NR5A2: variants seen among roughly 807,000 people sequenced by gnomAD.
NR5A2 encodes nuclear receptor subfamily 5 group A member 2.
A neutral mutation model predicts 62.7 loss-of-function variants in NR5A2; 26 were observed. The ratio of observed to expected loss-of-function variants is 0.41; its 90% CI spans 0.30 to 0.58. The LOEUF (loss-of-function observed/expected upper bound fraction) is 0.58, where lower values mean the gene tolerates loss of function less well. Among genes scored for constraint, NR5A2 ranks in the 20% least tolerant of loss-of-function variants. The pLI is 0.22. For missense variants in NR5A2, 541 were observed against 669.1 expected, an observed-to-expected ratio of 0.81 and a Z score of 2.11; for synonymous variants, 246 against 241.7, an observed-to-expected ratio of 1.02 and a Z score of -0.16.
chr1:200,111,088 TTTC>T lies in NR5A2; in HGVS notation c.1111-111_1111-109del, dbSNP rs958511688. 8.1e-6 allele frequency: 10 copies of T among 1,241,442 alleles called. No individual in the cohort carries two copies. The African/African-American group carries it at 1.5e-4, about 19-fold the overall frequency. The allele number at this position is 1,241,442 out of a possible 1,614,324, so 76.9% of individuals were successfully genotyped here. ...TGCTTCAGTGACCATGGGTGGAGAC[TTTC>T]TTGTTTATATGTAGTCCTCTTATGT... On this transcript the variant is annotated intron_variant, in intron 5 of 7. Coordinates refer to ENST00000367362, the MANE Select transcript of NR5A2 (RefSeq NM_205860.3).
chr1:200,107,749 C>T (rs12139943), intron 5 of NR5A2, among the ~76,000 whole-genome samples: 63,188 of 151,748 alleles, frequency 0.42, 13,311 homozygotes, highest in Admixed American at 0.45. Flanking sequence ...AAGCAATTCT[C>T]CTGTCTCAGC....
rs1370166314 is a variant in NR5A2, at chr1:200,147,331, G to A, written c.1378+26376G>A. ...TACTGTGCGCTCCTCTCCTCATCCA[G>A]CAAAGCTCGGCCTACATGGAGGTTT... On this transcript the variant is annotated intron_variant, in intron 7 of 7. Coordinates refer to ENST00000367362, the MANE Select transcript of NR5A2 (RefSeq NM_205860.3). The surrounding 1 kb of genome is among the most constrained non-coding windows in gnomAD (Gnocchi z 4.9). 6.6e-6 allele frequency among the ~76,000 whole-genome samples: 1 copy of A among 152,180 alleles called. No individual in the cohort carries two copies. The highest frequency in any genetic ancestry group is 1.5e-5 in the Non-Finnish European group (1 of 68,032).
In NR5A2 at chr1:200,048,534, C is replaced by T; in HGVS notation, c.826C>T (p.Pro276Ser). 6.2e-7 allele frequency: 1 copy of T among 1,614,120 alleles called. No homozygotes were observed. The highest frequency in any genetic ancestry group is 8.5e-7 in the Non-Finnish European group (1 of 1,180,028). Residue 276 changes from proline to serine, a missense_variant, in exon 5 of 8, where the codon CCC (proline) becomes TCC (serine). This residue lies in a region of NR5A2 where 379 missense variants were observed against 442.0 expected (regional missense o/e 0.86). Coordinates refer to ENST00000367362, the MANE Select transcript of NR5A2 (RefSeq NM_205860.3). The surrounding 1 kb of genome is among the most constrained non-coding windows in gnomAD (Gnocchi z 4.8). Reference sequence around the variant, plus strand: ...GGCCATCAAGTCTGAGTACCCAGACCCCTATACCAGCTCACCCGAGTCCAT... The same window carrying T: ...GGCCATCAAGTCTGAGTACCCAGACTCCTATACCAGCTCACCCGAGTCCAT... ...SRAIKSEYPDPYTSSPESIMG... is the reference protein window; with the variant it reads ...SRAIKSEYPDSYTSSPESIMG...
At chr1:200,160,726 G>A (rs2102379022) in intron 7 of NR5A2, among the ~76,000 whole-genome samples, 1 of 151,422 alleles carries the variant, frequency 6.6e-6, no homozygotes, top group South Asian at 2.1e-4. Context: ...TTATCCCGAG[G>A]CAAACCAGAC....
Position 200,038,619 on chromosome 1 carries a change from C to T in NR5A2, c.65-1039C>T, listed in dbSNP as rs982701880. On this transcript the variant is annotated intron_variant, in intron 1 of 7. Coordinates refer to ENST00000367362, the MANE Select transcript of NR5A2 (RefSeq NM_205860.3). ...TTCAATGGTTTAAGTGGGTGTTTAACTCCCTTCATCTCCTCATCCGACACA... is the reference window on the plus strand; with the variant it reads ...TTCAATGGTTTAAGTGGGTGTTTAATTCCCTTCATCTCCTCATCCGACACA... 9.5e-5 allele frequency: 88 copies of T among 924,154 alleles called. No homozygotes were observed. The African/African-American group carries it at 1.4e-3, about 14-fold the overall frequency. 57.2% of individuals were successfully genotyped at this position (924,154 alleles called of 1,614,324 possible). A position where few individuals can be genotyped will look rare whatever the true frequency, so the allele number is the denominator to read the frequency against.
chr1:200,173,576 A>G (rs1654280905), intron 7 of NR5A2, among the ~76,000 whole-genome samples: 1 of 152,218 alleles, frequency 6.6e-6, no homozygotes, highest in Admixed American at 6.5e-5. Flanking sequence ...ATTAATACAG[A>G]ATTATATGAA....
chr1:200,088,414 C>T (rs777237030), intron 5 of NR5A2, among the ~76,000 whole-genome samples: 7 of 151,998 alleles, frequency 4.6e-5, no homozygotes, highest in Admixed American at 1.3e-4. Context: ...TGTGCCACCA[C>T]GCCCAGTTAA....
chr1:200,094,964 A>C (rs1665010579), intron 5 of NR5A2, among the ~76,000 whole-genome samples: 2 of 152,136 alleles, frequency 1.3e-5, no homozygotes, highest in African/African-American at 4.8e-5. Flanking sequence ...AAAGAACATA[A>C]AGGAATATGT....
intron 7 of NR5A2, among the ~76,000 whole-genome samples, chr1:200,169,341 T>A (rs535580098): frequency 3.6e-4 from 55 of 152,296 alleles, no homozygotes; most frequent in Admixed American, 1.8e-3. Context: ...GATAATTACC[T>A]TATCAGCAAA....
intron 5 of NR5A2, among the ~76,000 whole-genome samples, chr1:200,078,157 C>T (rs564232703): frequency 6.6e-6 from 1 of 152,276 alleles, no homozygotes; most frequent in African/African-American, 2.4e-5. Flanking sequence ...TATTTTCTAA[C>T]ATATCTACGT....
At chr1:200,145,370 T>TA (rs749489326) in intron 7 of NR5A2, among the ~76,000 whole-genome samples, 5 of 152,098 alleles carry the variant, frequency 3.3e-5, no homozygotes, top group South Asian at 2.1e-4. Context: ...ATTTTTTTTT[T>TA]ACCAGTTTCT....
At chr1:200,063,751 C>T (rs10919805) in intron 5 of NR5A2, among the ~76,000 whole-genome samples, 22,945 of 152,142 alleles carry the variant, frequency 0.15, 2,132 homozygotes, top group South Asian at 0.26. Flanking sequence ...AATGGGTAGT[C>T]CTGACCTAGG....
chr1:200,028,075 G>A (rs1266161776), intron 1 of NR5A2, among the ~76,000 whole-genome samples, 164 bp downstream of exon 1: 1 of 151,544 alleles, frequency 6.6e-6, no homozygotes, highest in African/African-American at 2.4e-5. Context: ...TATCTTTCTT[G>A]CAGTTCAAAA....
At chr1:200,117,574 CTTA>C (rs1433488428) in intron 6 of NR5A2, among the ~76,000 whole-genome samples, 6 of 152,254 alleles carry the variant, frequency 3.9e-5, no homozygotes, top group South Asian at 2.1e-4. Context: ...TGTATTTGAA[CTTA>C]TTATTATACA....
At chr1:200,142,727 A>C (rs569862210) in intron 7 of NR5A2, among the ~76,000 whole-genome samples, 2 of 152,034 alleles carry the variant, frequency 1.3e-5, no homozygotes, top group Non-Finnish European at 2.9e-5. Context: ...CTGTTTTCCC[A>C]TTAATGTTTA....
chr1:200,042,739 A>G (rs1662169310), intron 2 of NR5A2: 1 of 751,368 alleles, frequency 1.3e-6, no homozygotes, highest in Non-Finnish European at 1.6e-6. Flanking sequence ...CCGCGCTCCC[A>G]TACTTGACCT....
chr1:200,127,711 T>A (rs12138901), intron 7 of NR5A2, among the ~76,000 whole-genome samples: 24 of 63,432 alleles, frequency 3.8e-4, no homozygotes, highest in Non-Finnish European at 4.6e-4. Context: ...AAAAAAAAAA[T>A]ATATATATAT....
chr1:200,085,192 A>G (rs1664466832), intron 5 of NR5A2, among the ~76,000 whole-genome samples: 1 of 152,206 alleles, frequency 6.6e-6, no homozygotes, highest in Non-Finnish European at 1.5e-5. Flanking sequence ...CTGTGTCCTC[A>G]TCTGTAAAAC....
At chr1:200,166,836 T>C (rs1276290381) in intron 7 of NR5A2, among the ~76,000 whole-genome samples, 1 of 152,116 alleles carries the variant, frequency 6.6e-6, no homozygotes, top group African/African-American at 2.4e-5. Flanking sequence ...AATAATAACT[T>C]CCCCATAAGA....
Sources: allele counts gnomAD v4.1 joint callset (sites outside exome capture counted in the v4.1 genomes callset), GRCh38; gene constraint gnomAD v4.1.1; regional missense constraint gnomAD v4.1.1; non-coding constraint Gnocchi (gnomAD v3.1); transcripts MANE v1.5; gene names NCBI Gene and HGNC (gene_info 2026-07-23, HGNC 2026-07-21).